PCDHGA4: variants seen among roughly 807,000 people sequenced by gnomAD.
The protein encoded by PCDHGA4 is protocadherin gamma-A4.
Under a neutral mutation model 54.6 loss-of-function variants are expected in PCDHGA4, and 38 were observed. That is an observed-to-expected ratio of 0.70 (90% CI 0.54 to 0.91). PCDHGA4 has a LOEUF of 0.91. PCDHGA4 is among the 40% of genes least tolerant of loss of function. PCDHGA4 has a pLI of 0.00. For synonymous variants in PCDHGA4, 511 were observed against 512.9 expected (o/e 1.00, Z 0.05); for missense variants, 1,298 against 1,220.9 (o/e 1.06, Z -0.94).
At chr5:141,419,878 G>A in intron 1 of PCDHGA4, 2 of 1,614,060 alleles carry the variant, frequency 1.2e-6, no homozygotes, top group Non-Finnish European at 1.7e-6. Context: ...AGGTACTGCC[G>A]GATTTCAGCG....
intron 1 of PCDHGA4, among the ~76,000 whole-genome samples, chr5:141,474,263 A>C (rs964712807): frequency 6.6e-6 from 1 of 152,188 alleles, no homozygotes; most frequent in Non-Finnish European, 1.5e-5. Context: ...CTGATAAACC[A>C]GTGTATCTCT....
At chr5:141,418,026 T>A (rs2154547454) in intron 1 of PCDHGA4, 1 of 1,613,962 alleles carries the variant, frequency 6.2e-7, no homozygotes, top group East Asian at 2.2e-5. Context: ...GATCTAGGGC[T>A]TAGTGTCCTG....
intron 1 of PCDHGA4, chr5:141,415,157 C>G: frequency 6.2e-7 from 1 of 1,613,864 alleles, no homozygotes. Context: ...CTCTCCGCCA[C>G]TGTCACGCTC....
intron 1 of PCDHGA4, chr5:141,364,436 C>T: frequency 6.2e-7 from 1 of 1,613,758 alleles, no homozygotes; most frequent in Non-Finnish European, 8.5e-7. Context: ...CTACTCGATG[C>T]CGGAGGAGCT....
At chr5:141,472,980 CAAAA>C (rs60579131) in intron 1 of PCDHGA4, among the ~76,000 whole-genome samples, 3 of 86,106 alleles carry the variant, frequency 3.5e-5, no homozygotes, top group Admixed American at 1.2e-4. Context: ...GAGTGAAACT[CAAAA>C]AAAAAAAAAA....
intron 1 of PCDHGA4, chr5:141,384,958 T>A: frequency 6.2e-7 from 1 of 1,613,954 alleles, no homozygotes; most frequent in Non-Finnish European, 8.5e-7. Context: ...TCCTTACAAC[T>A]ATGACCTCAC....
Position 141,355,170 on chromosome 5 carries a change from G to C in PCDHGA4, c.63G>C (p.Pro21=), listed in dbSNP as rs200043254. Residue 21 remains proline (P), a synonymous_variant, in exon 1 of 4, where the codon CCG becomes CCC. Coordinates refer to ENST00000571252, the MANE Select transcript of PCDHGA4 (RefSeq NM_018917.4). ...CTCAGGCCTCGACAGAGGGAAAACC[G>C]AAGCACAGGCGACTCCGCGGCGGGG... ...GAPQASTEGK[P]KHRRLRGGVV... is the part of the protein sequence containing the mutation. The C allele has an allele frequency of 7.6e-6, 12 of 1,569,662 alleles. No individual in the cohort carries two copies. Among genetic ancestry groups the C allele is most frequent in the African/African-American group, 2.7e-5 (2 of 73,516 alleles).
At chr5:141,426,423 G>T in intron 1 of PCDHGA4, 1 of 290,954 alleles carries the variant, frequency 3.4e-6, no homozygotes, top group Non-Finnish European at 6.8e-6. Context: ...AGGGCTCCGT[G>T]GTGGGGAACC....
chr5:141,408,336 C>A, intron 1 of PCDHGA4: 1 of 1,613,910 alleles, frequency 6.2e-7, no homozygotes, highest in Non-Finnish European at 8.5e-7. Flanking sequence ...GCCAAGGGCT[C>A]GGTGGTGGGG....
intron 1 of PCDHGA4, chr5:141,400,163 ACC>A (rs2093974471): frequency 6.2e-7 from 1 of 1,613,712 alleles, no homozygotes. Context: ...GTACCCTCTG[ACC>A]CCCAGGCTGA....
intron 1 of PCDHGA4, among the ~76,000 whole-genome samples, chr5:141,373,240 T>C (rs1021689504): frequency 2.6e-5 from 4 of 152,230 alleles, no homozygotes; most frequent in African/African-American, 9.6e-5. Context: ...TATTTTTACT[T>C]CCCTTTGCAT....
At chr5:141,481,919 A>C (rs1488201177) in intron 1 of PCDHGA4, among the ~76,000 whole-genome samples, 1 of 151,214 alleles carries the variant, frequency 6.6e-6, no homozygotes, top group Non-Finnish European at 1.5e-5. Context: ...ATCTCAAAAA[A>C]AAAAAAAAAA....
At position 141,494,704 on chromosome 5, in the gene PCDHGA4, T is replaced by C. The variant is rs2099756232; in HGVS notation, c.2515-103T>C. Reference sequence around the variant, plus strand: ...CCCCCTCTTAGTCCGTTTTCTTCTCTGTGCCCACTCCCCTCCTTCTCTCCC... The same window carrying C: ...CCCCCTCTTAGTCCGTTTTCTTCTCCGTGCCCACTCCCCTCCTTCTCTCCC... On this transcript the variant is annotated intron_variant, in intron 1 of 3. Transcript: ENST00000571252. The C allele has an allele frequency of 3.1e-6, 5 of 1,597,570 alleles. No individual in the cohort carries two copies. The Admixed American group carries it at 8.5e-5, about 27-fold the overall frequency.
rs779193571 is a variant in PCDHGA4, at chr5:141,362,099, C to G, written c.2514+4478C>G. 1.4e-5 allele frequency: 23 copies of G among 1,613,768 alleles called. No individual in the cohort carries two copies. The African/African-American group carries it at 2.9e-4, about 21-fold the overall frequency. ...CGTGATGGAGGACAGCCGCCACTCT[C>G]CGCTACGGCCACGCTGCACCTAATC... On this transcript the variant is annotated intron_variant, in intron 1 of 3. Coordinates refer to ENST00000571252, the MANE Select transcript of PCDHGA4 (RefSeq NM_018917.4).
chr5:141,453,116 GT>G (rs2098756689), intron 1 of PCDHGA4, among the ~76,000 whole-genome samples: 1 of 151,698 alleles, frequency 6.6e-6, no homozygotes, highest in Admixed American at 6.6e-5. Context: ...GTTTTGTTTT[GT>G]TTTGTTTTGT....
Position 141,404,830 on chromosome 5 carries a change from G to A in PCDHGA4, c.2514+47209G>A, listed in dbSNP as rs775106144. The A allele has an allele frequency of 3.7e-6, 6 of 1,613,932 alleles. No individual in the cohort carries two copies. In the East Asian group the frequency reaches 1.3e-4, roughly 36 times the overall value. ...CGGTGGGGCTGCACACAGGTGAAGT[G>A]CGCACAGCTCGGGCCCTGCTAGATA... On this transcript the variant is annotated intron_variant, in intron 1 of 3. Coordinates refer to ENST00000571252, the MANE Select transcript of PCDHGA4 (RefSeq NM_018917.4).
intron 1 of PCDHGA4, chr5:141,382,816 TA>T: frequency 1.6e-6 from 2 of 1,275,446 alleles, no homozygotes; most frequent in Non-Finnish European, 2.2e-6. Flanking sequence ...CTCCCCTTCC[TA>T]AGACAGAGGG....
rs2149791412 is a variant in PCDHGA4, at chr5:141,356,510, A to G, written c.1403A>G (p.His468Arg). 2 of 1,612,802 alleles carry G rather than the reference A, an allele frequency of 1.2e-6. No individual in the cohort carries two copies. Among genetic ancestry groups the G allele is most frequent in the East Asian group, 2.2e-5 (1 of 44,876 alleles). ...ACTCCTCCACTGTCTACAGAAACTC[A>G]TATTTCACTGCAAGTGATGGACATC... ...QGTPPLSTET[H>R]ISLQVMDIND... Residue 468 changes from histidine to arginine, a missense_variant, in exon 1 of 4, where the codon CAT becomes CGT. Physicochemically the swap from His to Arg is conservative, Grantham distance 29 (BLOSUM62 0). Transcript: ENST00000571252.
chr5:141,399,527 T>C lies in PCDHGA4; in HGVS notation c.2514+41906T>C, dbSNP rs781680585. ...GAAAACAACCCTCCTGGGGCCTCCA[T>C]CGCGCAAGTCTGCGCCTCGGACCTG... is the stretch of plus-strand genomic sequence containing the variant. On this transcript the variant is annotated intron_variant, in intron 1 of 3. Transcript: ENST00000571252. The C allele has an allele frequency of 1.4e-4, 229 of 1,613,898 alleles. No homozygotes were observed. The highest frequency in any genetic ancestry group is 1.9e-4 in the Non-Finnish European group (225 of 1,179,892).
Sources: allele counts gnomAD v4.1 joint callset (sites outside exome capture counted in the v4.1 genomes callset), GRCh38; gene constraint gnomAD v4.1.1; transcripts MANE v1.5; gene names NCBI Gene and HGNC (gene_info 2026-07-23, HGNC 2026-07-21).